Variants in APLF observed in about 807,000 individuals in gnomAD.
The protein encoded by APLF is aprataxin and PNK-like factor.
APLF carries 61 observed loss-of-function variants against 55.6 expected under a neutral mutation model. That is an observed-to-expected ratio of 1.10 (90% CI 0.89 to 1.36). APLF has a LOEUF of 1.36. Among genes scored for constraint, APLF ranks in the 40% most tolerant of loss-of-function variants. The pLI is 0.00. For missense variants in APLF, 611 were observed against 602.5 expected, an observed-to-expected ratio of 1.01 and a Z score of -0.15; for synonymous variants, 207 against 214.8, an observed-to-expected ratio of 0.96 and a Z score of 0.32.
chr2:68,574,861 A>C (rs1383548682), intron 9 of APLF, among the ~76,000 whole-genome samples: 1 of 152,206 alleles, frequency 6.6e-6, no homozygotes, highest in Non-Finnish European at 1.5e-5. Flanking sequence ...GTAGGCTAAA[A>C]TAAGAGTTTC....
At chr2:68,530,271 A>G (rs1375015347) in intron 6 of APLF, among the ~76,000 whole-genome samples, 6 of 152,312 alleles carry the variant, frequency 3.9e-5, no homozygotes, top group African/African-American at 1.4e-4. Flanking sequence ...GGTACTTAGC[A>G]CCATGGCATA....
In APLF at chr2:68,467,860, G is replaced by T. The variant is rs1286153397; in HGVS notation, c.96+33G>T. The stretch of plus-strand genomic sequence containing the variant: ...TGGGCGGGGGCTTAGCGGACCCCGA[G>T]AGCCGTGGAGTTCCGCGCCGGCTCC... On this transcript the variant is annotated intron_variant, in intron 1 of 9. Transcript: ENST00000303795. 7 of 1,227,280 alleles carry T rather than the reference G, an allele frequency of 5.7e-6. No homozygotes were observed. The South Asian group carries it at 2.1e-4, about 36-fold the overall frequency. 76.0% of individuals were successfully genotyped at this position (1,227,280 alleles called of 1,614,324 possible). A position where few individuals can be genotyped will look rare whatever the true frequency, so the allele number is the denominator to read the frequency against.
chr2:68,502,984 AG>A, intron 3 of APLF, 81 bp downstream of exon 3: 5 of 1,431,516 alleles, frequency 3.5e-6, no homozygotes, highest in Non-Finnish European at 3.8e-6. Context: ...GGTAGGAACC[AG>A]TAGAAACCAT....
intron 6 of APLF, among the ~76,000 whole-genome samples, chr2:68,531,756 A>G (rs930184192): frequency 3.9e-5 from 6 of 152,240 alleles, no homozygotes; most frequent in Non-Finnish European, 7.3e-5. Context: ...AATCTGTAGT[A>G]TACGTGTTTT....
chr2:68,482,448 C>T (rs541247307), intron 1 of APLF, among the ~76,000 whole-genome samples: 12 of 152,114 alleles, frequency 7.9e-5, no homozygotes, highest in African/African-American at 2.4e-4. Context: ...GAGATGGGCT[C>T]GCCAGGCTGG....
rs1480026824 is a variant in APLF at position 68,543,055 on chromosome 2, A to G, written c.1161-2132A>G. 2.0e-5 allele frequency among the ~76,000 whole-genome samples: 3 copies of G among 152,214 alleles called. No homozygotes were observed. The East Asian group carries it at 5.8e-4, about 29-fold the overall frequency. On this transcript the variant is annotated intron_variant, in intron 7 of 9. Transcript: ENST00000303795. Reference sequence around the variant, plus strand: ...AAATAAACCAGTCACAAAAAGATAAATACTTCATAATTCTACTTGTAGGAG... The same window carrying G: ...AAATAAACCAGTCACAAAAAGATAAGTACTTCATAATTCTACTTGTAGGAG...
At chr2:68,569,039 A>G (rs1183553157) in intron 9 of APLF, among the ~76,000 whole-genome samples, 1 of 152,166 alleles carries the variant, frequency 6.6e-6, no homozygotes, top group Non-Finnish European at 1.5e-5. Flanking sequence ...TATCTAATAC[A>G]GAATTCTAAC....
intron 1 of APLF, among the ~76,000 whole-genome samples, chr2:68,479,370 A>G (rs1273946367): frequency 2.0e-5 from 3 of 152,238 alleles, no homozygotes; most frequent in Non-Finnish European, 4.4e-5. Context: ...CACAGGTTTT[A>G]TGACAAAGCC....
chr2:68,500,179 A>AT (rs1676678101), intron 2 of APLF, among the ~76,000 whole-genome samples: 1 of 152,126 alleles, frequency 6.6e-6, no homozygotes, highest in Non-Finnish European at 1.5e-5. Context: ...TTTGACATTG[A>AT]TTTTTTAACT....
rs1573131976 is a variant in APLF at position 68,467,822 on chromosome 2, C to G, written c.91C>G (p.Leu31Val). 2.4e-6 allele frequency: 3 copies of G among 1,233,016 alleles called. No individual in the cohort carries two copies. The highest frequency in any genetic ancestry group is 3.0e-6 in the Non-Finnish European group (3 of 988,098). 76.4% of individuals were successfully genotyped at this position (1,233,016 alleles called of 1,614,324 possible). Reference protein sequence around the residue: ...GETVIGRGPLLGITDKRVSRR... With the variant: ...GETVIGRGPLVGITDKRVSRR... Reference sequence around the variant, plus strand: ...GACGGTGATCGGCCGCGGGCCGCTGCTGGGAGTAAGTGTGGGCGGGGGCTT... The same window carrying G: ...GACGGTGATCGGCCGCGGGCCGCTGGTGGGAGTAAGTGTGGGCGGGGGCTT... The change falls in exon 1 of 10, where the codon CTG (leucine) becomes GTG (valine). Residue 31 changes from leucine to valine, a missense_variant. Transcript: ENST00000303795.
Position 68,545,063 on chromosome 2 carries a change from A to G in APLF, c.1161-124A>G, listed in dbSNP as rs931847336. ...GATGTAATCTGCGCTTATGTCATCAATGTAGCATGTTGGTTTATGTTCAAG... is the reference window on the plus strand; with the variant it reads ...GATGTAATCTGCGCTTATGTCATCAGTGTAGCATGTTGGTTTATGTTCAAG... On this transcript the variant is annotated intron_variant, in intron 7 of 9. Coordinates refer to ENST00000303795, the MANE Select transcript of APLF (RefSeq NM_173545.3). 1.4e-5 allele frequency: 16 copies of G among 1,129,576 alleles called. No homozygotes were observed. The African/African-American group carries it at 1.9e-4, about 13-fold the overall frequency. 70.0% of individuals were successfully genotyped at this position (1,129,576 alleles called of 1,614,324 possible). A position where few individuals can be genotyped will look rare whatever the true frequency, so the allele number is the denominator to read the frequency against.
chr2:68,563,162 T>A, intron 8 of APLF: 1 of 985,260 alleles, frequency 1.0e-6, no homozygotes, highest in Non-Finnish European at 1.2e-6. Context: ...CATTACAGTA[T>A]TTTACCTGTC....
At chr2:68,473,256 A>G (rs912341619) in intron 1 of APLF, among the ~76,000 whole-genome samples, 3 of 152,196 alleles carry the variant, frequency 2.0e-5, no homozygotes, top group African/African-American at 7.2e-5. Flanking sequence ...TCAGAATGTC[A>G]TAGAGTTGGA....
chr2:68,548,821 A>C (rs1670780030), intron 8 of APLF, among the ~76,000 whole-genome samples: 1 of 149,980 alleles, frequency 6.7e-6, no homozygotes, highest in African/African-American at 2.5e-5. Flanking sequence ...GTTCTAGTGA[A>C]ATCCATCACC....
chr2:68,471,145 G>A (rs746433617), intron 1 of APLF, among the ~76,000 whole-genome samples: 3 of 151,860 alleles, frequency 2.0e-5, no homozygotes, highest in African/African-American at 4.8e-5. Flanking sequence ...CTTCCATTTC[G>A]GCATCTCAGC....
intron 5 of APLF, among the ~76,000 whole-genome samples, chr2:68,521,505 AT>A: frequency 6.6e-6 from 1 of 151,862 alleles, no homozygotes; most frequent in East Asian, 1.9e-4. Context: ...CCTGGGCTAA[AT>A]TTTTTTAAAT....
In APLF at chr2:68,467,908, C is replaced by T. The variant is rs112107382; in HGVS notation, c.96+81C>T. 4.6e-6 allele frequency: 5 copies of T among 1,094,978 alleles called. No individual in the cohort carries two copies. The East Asian group carries it at 9.7e-5, about 21-fold the overall frequency. The allele number at this position is 1,094,978 out of a possible 1,614,324, so 67.8% of individuals were successfully genotyped here. A position where few individuals can be genotyped will look rare whatever the true frequency, so the allele number is the denominator to read the frequency against. ...TCCTGAAGACCGGCCCTAGTCCTGG[C>T]CGGTTTCCCCACCGCACTGGTCCGC... On this transcript the variant is annotated intron_variant, in intron 1 of 9. Coordinates refer to ENST00000303795, the MANE Select transcript of APLF (RefSeq NM_173545.3).
At position 68,537,875 on chromosome 2, in the gene APLF, A is replaced by T. The variant is rs750569395; in HGVS notation, c.808A>T (p.Met270Leu). 5.8e-5 allele frequency: 91 copies of T among 1,555,986 alleles called. No individual in the cohort carries two copies. The highest frequency in any genetic ancestry group is 6.1e-6 in the Non-Finnish European group (7 of 1,151,602). ...GTTTTTCATATTTGTTTTACAGGAA[A>T]TGCCACAATCATTTTCTGCAATCAC... The part of the protein sequence containing the change: ...QEESTISSKE[M>L]PQSFSAITLS... The change falls in exon 7 of 10, where the codon ATG (methionine) becomes TTG (leucine). Residue 270 changes from methionine (M) to leucine (L), a missense_variant. Transcript: ENST00000303795.
At chr2:68,559,201 C>G (rs191827943) in intron 8 of APLF, among the ~76,000 whole-genome samples, 121 of 152,142 alleles carry the variant, frequency 8.0e-4, no homozygotes, top group African/African-American at 2.8e-3. Flanking sequence ...TCTGGGGGGT[C>G]TTGATTCACT....
Sources: allele counts gnomAD v4.1 joint callset (sites outside exome capture counted in the v4.1 genomes callset), GRCh38; gene constraint gnomAD v4.1.1; transcripts MANE v1.5; gene names NCBI Gene and HGNC (gene_info 2026-07-23, HGNC 2026-07-21).